Variants in ACVR1 observed in about 807,000 individuals in gnomAD.
The protein encoded by ACVR1 is activin receptor type-1.
A neutral mutation model predicts 57.1 loss-of-function variants in ACVR1; 38 were observed. The observed-to-expected ratio is 0.67, with a 90% confidence interval of 0.51 to 0.87. The LOEUF (loss-of-function observed/expected upper bound fraction) is 0.87, where lower values mean the gene tolerates loss of function less well. Among genes scored for constraint, ACVR1 ranks in the 40% least tolerant of loss-of-function variants. The pLI is 0.00. For synonymous variants in ACVR1, 212 were observed against 228.1 expected, an observed-to-expected ratio of 0.93 and a Z score of 0.63; for missense variants, 463 against 638.2, an observed-to-expected ratio of 0.73 and a Z score of 2.96.
At chr2:157,859,391 G>T (rs942773557) in intron 1 of ACVR1, among the ~76,000 whole-genome samples, 1 of 152,122 alleles carries the variant, frequency 6.6e-6, no homozygotes, top group Non-Finnish European at 1.5e-5. Flanking sequence ...AAAATAATTC[G>T]GAAATAACCA....
intron 1 of ACVR1, among the ~76,000 whole-genome samples, chr2:157,832,249 C>CAA (rs755734487): frequency 2.4e-4 from 36 of 152,184 alleles, no homozygotes; most frequent in Admixed American, 2.6e-4. Flanking sequence ...TGAGAATCTG[C>CAA]AAATCACCGC....
chr2:157,795,132 T>C (rs559773303), intron 3 of ACVR1, among the ~76,000 whole-genome samples: 1 of 152,240 alleles, frequency 6.6e-6, no homozygotes, highest in Admixed American at 6.5e-5. Context: ...TCTACAAACA[T>C]CAAATATGGG....
intron 7 of ACVR1, 41 bp from the exon 8 acceptor site, chr2:157,766,237 C>T: frequency 1.9e-6 from 3 of 1,595,832 alleles, no homozygotes; most frequent in Non-Finnish European, 2.6e-6. Context: ...ATGAGGATTC[C>T]ACATTATAAC....
At chr2:157,866,369 G>A (rs999659353) in intron 1 of ACVR1, among the ~76,000 whole-genome samples, 7 of 152,116 alleles carry the variant, frequency 4.6e-5, no homozygotes, top group Non-Finnish European at 4.4e-5. Context: ...GGAGAAGAGA[G>A]AGGAGCTGAG....
chr2:157,788,139 C>A (rs1035965818), intron 3 of ACVR1, among the ~76,000 whole-genome samples: 1 of 152,164 alleles, frequency 6.6e-6, no homozygotes, highest in East Asian at 1.9e-4. Flanking sequence ...TTAAACTCCC[C>A]TTCCCTAGCT....
At chr2:157,798,589 G>C (rs990583644) in intron 3 of ACVR1, among the ~76,000 whole-genome samples, 4 of 151,974 alleles carry the variant, frequency 2.6e-5, no homozygotes, top group Admixed American at 2.0e-4. Flanking sequence ...GTGCAGTGGT[G>C]TGATTTCAGC....
chr2:157,816,481 T>C (rs964576864), intron 2 of ACVR1, among the ~76,000 whole-genome samples: 2 of 150,636 alleles, frequency 1.3e-5, no homozygotes, highest in African/African-American at 4.9e-5. Flanking sequence ...TCTATAGTCC[T>C]AGTTACTTGG....
At chr2:157,786,877 C>G (rs1686731901) in intron 3 of ACVR1, among the ~76,000 whole-genome samples, 1 of 151,986 alleles carries the variant, frequency 6.6e-6, no homozygotes, top group Admixed American at 6.6e-5. Context: ...TCATTTTTTC[C>G]CTGGTCTTTG....
intron 2 of ACVR1, among the ~76,000 whole-genome samples, chr2:157,812,999 A>C (rs1687803516): frequency 6.6e-6 from 1 of 152,230 alleles, no homozygotes; most frequent in Admixed American, 6.5e-5. Flanking sequence ...CATCATAAAG[A>C]GTGAACCTTC....
chr2:157,741,348 G>GA (rs1684752385), intron 9 of ACVR1, among the ~76,000 whole-genome samples: 3 of 151,960 alleles, frequency 2.0e-5, no homozygotes, highest in African/African-American at 7.2e-5. Context: ...GATAAAAGAT[G>GA]AAAAAACGGT....
chr2:157,753,121 T>C (rs1256810922), intron 9 of ACVR1, among the ~76,000 whole-genome samples: 1 of 152,192 alleles, frequency 6.6e-6, no homozygotes, highest in Non-Finnish European at 1.5e-5. Context: ...GTTGAAAAGA[T>C]ATTCCATGCA....
chr2:157,773,856 G>A (rs1474469847), intron 6 of ACVR1, among the ~76,000 whole-genome samples: 1 of 152,124 alleles, frequency 6.6e-6, no homozygotes, highest in Non-Finnish European at 1.5e-5. Context: ...ACTTACAACT[G>A]AAAGCTTTTG....
intron 1 of ACVR1, among the ~76,000 whole-genome samples, chr2:157,848,000 T>C (rs997152671): frequency 1.3e-5 from 2 of 152,134 alleles, no homozygotes; most frequent in African/African-American, 2.4e-5. Context: ...CAAGGAGAGT[T>C]TGAGAAACTA....
At chr2:157,810,887 C>G (rs1402320032) in intron 2 of ACVR1, among the ~76,000 whole-genome samples, 1 of 152,144 alleles carries the variant, frequency 6.6e-6, no homozygotes, top group Non-Finnish European at 1.5e-5. Context: ...AGTGAAATAC[C>G]CCTTGTTAAG....
At chr2:157,741,145 A>AT (rs556868229) in intron 9 of ACVR1, among the ~76,000 whole-genome samples, 28 of 151,236 alleles carry the variant, frequency 1.9e-4, no homozygotes, top group Admixed American at 3.3e-4. Context: ...CAAGTCTCTC[A>AT]TTTTTTTTTC....
chr2:157,779,144 T>C (rs1042385479), intron 4 of ACVR1, among the ~76,000 whole-genome samples: 14 of 151,018 alleles, frequency 9.3e-5, no homozygotes, highest in African/African-American at 3.2e-4. Flanking sequence ...CTAATCAGAT[T>C]AGAATGTCCT....
At chr2:157,808,829 G>A (rs1049381730) in intron 2 of ACVR1, among the ~76,000 whole-genome samples, 6 of 151,314 alleles carry the variant, frequency 4.0e-5, no homozygotes, top group South Asian at 2.1e-4. Flanking sequence ...AAATAGATCC[G>A]GCTGATGGAA....
At chr2:157,871,899 T>C (rs1690127004) in intron 1 of ACVR1, among the ~76,000 whole-genome samples, 1 of 152,234 alleles carries the variant, frequency 6.6e-6, no homozygotes, top group East Asian at 1.9e-4. Context: ...GGCTGTGATG[T>C]GCCAACCACA....
chr2:157,802,547 T>A (rs2105309714), intron 2 of ACVR1, among the ~76,000 whole-genome samples: 1 of 152,202 alleles, frequency 6.6e-6, no homozygotes, highest in South Asian at 2.1e-4. Flanking sequence ...CACCAGCCAC[T>A]TTCTGTCTAT....
Sources: gnomAD v4.1 joint callset for allele counts (sites outside exome capture counted in the v4.1 genomes callset) on GRCh38, gnomAD v4.1.1 for gene constraint, MANE v1.5 for transcripts, NCBI Gene and HGNC (gene_info 2026-07-23, HGNC 2026-07-21) for gene names.